The following FTO variants were observed in gnomAD, a reference collection of about 807,000 sequenced individuals.
The protein encoded by FTO is FTO alpha-ketoglutarate dependent dioxygenase, also known as alpha-ketoglutarate-dependent dioxygenase FTO.
In FTO, 47 loss-of-function variants were observed where a neutral mutation model predicts 63.9. The observed-to-expected ratio is 0.74, with a 90% CI of 0.58 to 0.94. The LOEUF is 0.94. Ranked by LOEUF, FTO falls within the 40% of genes least tolerant of loss-of-function variation. The probability of loss-of-function intolerance (pLI) is 0.00; values close to 1 mark genes in which losing one functional copy is unlikely to be tolerated. For missense variants in FTO, 562 were observed against 618.1 expected, an observed-to-expected ratio of 0.91 and a Z score of 0.96; for synonymous variants, 207 against 224.4, an observed-to-expected ratio of 0.92 and a Z score of 0.69.
chr16:54,100,119 ACT>A (rs1466950888), intron 8 of FTO, among the ~76,000 whole-genome samples: 1 of 152,042 alleles, frequency 6.6e-6, no homozygotes, highest in Non-Finnish European at 1.5e-5. Context: ...CCATTAGGAA[ACT>A]CAGTTTCTAA....
chr16:53,709,653 T>C (rs1006097337), intron 1 of FTO, among the ~76,000 whole-genome samples: 1 of 152,172 alleles, frequency 6.6e-6, no homozygotes, highest in South Asian at 2.1e-4. Flanking sequence ...TTGAAATGAT[T>C]TAAAACTTAT....
chr16:53,771,717 C>T (rs562684250), intron 1 of FTO, among the ~76,000 whole-genome samples: 5 of 152,012 alleles, frequency 3.3e-5, no homozygotes, highest in African/African-American at 7.2e-5. Context: ...AAAACCCAAA[C>T]GCCCATCAAT....
intron 8 of FTO, among the ~76,000 whole-genome samples, chr16:53,977,329 A>G (rs1392480688): frequency 6.6e-6 from 1 of 152,120 alleles, no homozygotes; most frequent in Non-Finnish European, 1.5e-5. Flanking sequence ...CCATTTCTGA[A>G]ATAGAGCTTA....
In FTO at chr16:53,839,291, T is replaced by G. The variant is rs2151806700; in HGVS notation, c.752-4864T>G. Among the ~76,000 whole-genome samples the G allele has an allele frequency of 1.3e-5, 2 of 152,316 alleles. 1 individual carries two copies. Among genetic ancestry groups the G allele is most frequent in the South Asian group, 4.1e-4 (2 of 4,820 alleles). ...GTACTTAAAATCTTTTCAATTTTATTGAGGCTTAAAGGCAAGTAAGAACCT... is the reference window on the plus strand; with the variant it reads ...GTACTTAAAATCTTTTCAATTTTATGGAGGCTTAAAGGCAAGTAAGAACCT... On this transcript the variant is annotated intron_variant, in intron 3 of 8. Coordinates refer to ENST00000471389, the MANE Select transcript of FTO (RefSeq NM_001080432.3).
chr16:54,032,319 C>G (rs13339178), intron 8 of FTO, among the ~76,000 whole-genome samples: 31,908 of 151,952 alleles, frequency 0.21, 4,559 homozygotes, highest in African/African-American at 0.4. Flanking sequence ...GAGGAACGAG[C>G]CAAGAGTGAT....
intron 1 of FTO, among the ~76,000 whole-genome samples, chr16:53,713,708 T>G (rs1247807818): frequency 6.6e-6 from 1 of 152,148 alleles, no homozygotes; most frequent in Non-Finnish European, 1.5e-5. Context: ...TGGTTTGCAT[T>G]TAAAAAAATG....
chr16:54,008,839 AATAATAATAATAATAATAAT>A (rs2084271945), intron 8 of FTO, among the ~76,000 whole-genome samples: 3 of 104,766 alleles, frequency 2.9e-5, no homozygotes, highest in African/African-American at 6.7e-5. Flanking sequence ...TAATAATAAT[AATAATAATAATAATAATAAT>A]AAATTAGCTG....
chr16:53,757,312 T>A (rs931329658), intron 1 of FTO, among the ~76,000 whole-genome samples: 1 of 152,094 alleles, frequency 6.6e-6, no homozygotes, highest in African/African-American at 2.4e-5. Context: ...GTACAAGAGA[T>A]CTCTTGAACA....
chr16:53,796,249 G>A lies in FTO; in HGVS notation c.46-13891G>A, dbSNP rs562639746. ...AGTAGAGATGGGGTTTTGCAATGTC[G>A]GCCAGGCTAATCTGGAACTCCTGAC... On this transcript the variant is annotated intron_variant, in intron 1 of 8. Coordinates refer to ENST00000471389, the MANE Select transcript of FTO (RefSeq NM_001080432.3). Among the ~76,000 whole-genome samples the A allele has an allele frequency of 1.1e-4, 16 of 151,948 alleles. No individual in the cohort carries two copies. In the South Asian group the frequency reaches 2.5e-3, roughly 24 times the overall value.
intron 8 of FTO, among the ~76,000 whole-genome samples, chr16:53,953,492 C>T (rs140543192): frequency 3.9e-5 from 6 of 152,286 alleles, no homozygotes; most frequent in Non-Finnish European, 8.8e-5. Context: ...CCAAGACAAA[C>T]AGTAACCATT....
At position 53,910,710 on chromosome 16, in the gene FTO, A is replaced by G. The variant is rs572887575; in HGVS notation, c.1239+21759A>G. On this transcript the variant is annotated intron_variant, in intron 7 of 8. Coordinates refer to ENST00000471389, the MANE Select transcript of FTO (RefSeq NM_001080432.3). ...ACCACCATGCTTGGCTAATTTTCGT[A>G]ATTTTAGTAGAGACGAGGTTTCGCC... is the stretch of plus-strand genomic sequence containing the variant. Among the ~76,000 whole-genome samples, 11 of 152,168 alleles carry G rather than the reference A, an allele frequency of 7.2e-5. No individual in the cohort carries two copies. In the East Asian group the frequency reaches 2.1e-3, roughly 30 times the overall value.
chr16:53,979,219 A>G (rs1271531979), intron 8 of FTO, among the ~76,000 whole-genome samples: 1 of 152,212 alleles, frequency 6.6e-6, no homozygotes, highest in African/African-American at 2.4e-5. Context: ...ATCCTTTTAT[A>G]AGAATCTTTG....
At chr16:53,932,401 T>C (rs1038167954) in intron 7 of FTO, among the ~76,000 whole-genome samples, 2 of 151,964 alleles carry the variant, frequency 1.3e-5, no homozygotes, top group African/African-American at 4.8e-5. Context: ...GGTTTTTTTT[T>C]TTTTTTGAGA....
In FTO at chr16:53,862,339, G is replaced by C. The variant is rs1035399138; in HGVS notation, c.896-11447G>C. ...ATATTTGATGTTGGGAGATGTCTGA[G>C]GTGATCTACATTATGGTTTCATTTT... On this transcript the variant is annotated intron_variant, in intron 4 of 8. Transcript: ENST00000471389. 2.0e-5 allele frequency among the ~76,000 whole-genome samples: 3 copies of C among 152,046 alleles called. No homozygotes were observed. In the South Asian group the frequency reaches 6.2e-4, roughly 32 times the overall value.
At position 53,739,574 on chromosome 16, in the gene FTO, A is replaced by G. The variant is rs574306296; in HGVS notation, c.45+35345A>G. ...AGACAGATTAAATGAGATGCCTCAT[A>G]TATGTGTGAATGGAAAGAAAGAAGT... On this transcript the variant is annotated intron_variant, in intron 1 of 8. Coordinates refer to ENST00000471389, the MANE Select transcript of FTO (RefSeq NM_001080432.3). 1.1e-4 allele frequency among the ~76,000 whole-genome samples: 16 copies of G among 152,294 alleles called. No individual in the cohort carries two copies. In the South Asian group the frequency reaches 1.4e-3, roughly 14 times the overall value.
At chr16:53,907,339 T>G (rs1021704602) in intron 7 of FTO, among the ~76,000 whole-genome samples, 6 of 152,148 alleles carry the variant, frequency 3.9e-5, no homozygotes, top group African/African-American at 1.4e-4. Context: ...GTGTTGGATA[T>G]CTCATGTAAT....
intron 1 of FTO, among the ~76,000 whole-genome samples, chr16:53,754,113 G>T (rs1379414791): frequency 6.6e-6 from 1 of 152,044 alleles, no homozygotes; most frequent in African/African-American, 2.4e-5. Flanking sequence ...TACAAATTTT[G>T]TAAATTTAGA....
At chr16:53,721,486 A>C (rs1326957283) in intron 1 of FTO, among the ~76,000 whole-genome samples, 1 of 152,122 alleles carries the variant, frequency 6.6e-6, no homozygotes. Flanking sequence ...CTTCCCTTTC[A>C]ATTGCAGTTA....
chr16:53,759,504 G>A (rs957173654), intron 1 of FTO, among the ~76,000 whole-genome samples: 1 of 151,942 alleles, frequency 6.6e-6, no homozygotes, highest in African/African-American at 2.4e-5. Context: ...GACCAGCCTG[G>A]CCAACATGGC....
Sources: gnomAD v4.1 joint callset for allele counts (sites outside exome capture counted in the v4.1 genomes callset) on GRCh38, gnomAD v4.1.1 for gene constraint, MANE v1.5 for transcripts, NCBI Gene and HGNC (gene_info 2026-07-23, HGNC 2026-07-21) for gene names.